AHR: variants seen among roughly 807,000 people sequenced by gnomAD.
AHR encodes AH-receptor.
In AHR, 40 loss-of-function variants were observed where a neutral mutation model predicts 86.8. That is an observed-to-expected ratio of 0.46 (90% CI 0.36 to 0.60). The LOEUF (loss-of-function observed/expected upper bound fraction) is 0.60, where lower values mean the gene tolerates loss of function less well. AHR is among the 20% of genes least tolerant of loss of function. The pLI, the probability that AHR is intolerant of heterozygous loss-of-function variation, is 0.00. For synonymous variants in AHR, 398 were observed against 354.9 expected, an observed-to-expected ratio of 1.12 and a Z score of -1.37; for missense variants, 1,001 against 1,011.6, an observed-to-expected ratio of 0.99 and a Z score of 0.14.
chr7:17,312,206 T>C (rs1782072359), intron 2 of AHR, among the ~76,000 whole-genome samples: 1 of 152,318 alleles, frequency 6.6e-6, no homozygotes, highest in East Asian at 1.9e-4. Flanking sequence ...GCAGATTCTG[T>C]GATGTGTAAG....
In AHR at chr7:17,339,894, A is replaced by C; in HGVS notation, c.2069A>C (p.Glu690Ala). 1 of 1,614,210 alleles carries C rather than the reference A, an allele frequency of 6.2e-7. No individual in the cohort carries two copies. Among genetic ancestry groups the C allele is most frequent in the African/African-American group, 1.3e-5 (1 of 75,054 alleles). The change falls in exon 10 of 11, where the codon GAA (glutamate) becomes GCA (alanine). Residue 690 changes from glutamate to alanine, a missense_variant. Glu to Ala is a moderately radical substitution (Grantham distance 107, BLOSUM62 -1). Around this residue, in one of 2 missense-constraint regions of AHR, gnomAD observed 607 missense variants for 543.1 expected, o/e 1.12. Transcript: ENST00000242057. ...AGTCAAGAGTTCCCCTACAAATCTGAAATGGATTCTATGCCTTATACACAG... is the reference window on the plus strand; with the variant it reads ...AGTCAAGAGTTCCCCTACAAATCTGCAATGGATTCTATGCCTTATACACAG... ...GISQEFPYKS[E>A]MDSMPYTQNF...
intron 3 of AHR, 39 bp downstream of exon 3, chr7:17,322,646 G>A (rs368890853): frequency 1.2e-5 from 15 of 1,255,222 alleles, no homozygotes; most frequent in African/African-American, 3.0e-5. Context: ...ACTAAGGACA[G>A]TTGTAAATGG....
At chr7:17,327,689 A>G in intron 3 of AHR, 70 bp from the exon 4 acceptor site, 1 of 819,796 alleles carries the variant, frequency 1.2e-6, no homozygotes, top group East Asian at 2.8e-5. Context: ...TCAGAGATAA[A>G]AGTAATAACC....
chr7:17,335,557 A>G (rs1016832901), intron 8 of AHR, 88 bp from the exon 9 acceptor site: 119 of 1,139,150 alleles, frequency 1.0e-4, no homozygotes, highest in Non-Finnish European at 1.4e-4. Flanking sequence ...ATACATCCAG[A>G]ACTATGTCAC....
chr7:17,302,441 A>T (rs540668424), intron 1 of AHR, among the ~76,000 whole-genome samples: 19 of 152,200 alleles, frequency 1.2e-4, no homozygotes, highest in Non-Finnish European at 2.5e-4. Flanking sequence ...CATAATACTC[A>T]TTAAATGTTT....
chr7:17,307,519 G>A (rs1222662129), intron 1 of AHR, among the ~76,000 whole-genome samples: 1 of 152,160 alleles, frequency 6.6e-6, no homozygotes, highest in African/African-American at 2.4e-5. Context: ...TGTTGTAACT[G>A]TAAGTAATTT....
At chr7:17,337,406 G>C (rs1782364787) in intron 9 of AHR, among the ~76,000 whole-genome samples, 1 of 151,246 alleles carries the variant, frequency 6.6e-6, no homozygotes, top group Non-Finnish European at 1.5e-5. Context: ...TATTTTATGT[G>C]CTTCTGTTAG....
intron 1 of AHR, among the ~76,000 whole-genome samples, chr7:17,304,522 T>C (rs1409431017): frequency 6.6e-6 from 1 of 152,108 alleles, no homozygotes; most frequent in Non-Finnish European, 1.5e-5. Flanking sequence ...CTTGTTTTGG[T>C]GTGGTTTTCT....
chr7:17,327,187 T>C (rs901155588), intron 3 of AHR, among the ~76,000 whole-genome samples: 4 of 152,048 alleles, frequency 2.6e-5, no homozygotes, highest in African/African-American at 9.7e-5. Flanking sequence ...CATAATGACA[T>C]TAAATTTTAG....
intron 3 of AHR, among the ~76,000 whole-genome samples, chr7:17,326,865 A>C (rs1019610082): frequency 6.6e-6 from 1 of 152,168 alleles, no homozygotes; most frequent in Non-Finnish European, 1.5e-5. Context: ...ATAGTAAAGA[A>C]TAGATCAAGT....
intron 2 of AHR, among the ~76,000 whole-genome samples, chr7:17,320,162 TGTAATACTTTA>T (rs1039374474): frequency 3.6e-4 from 55 of 152,230 alleles, no homozygotes; most frequent in African/African-American, 1.3e-3. Context: ...TTCAAGTTCC[TGTAATACTTTA>T]ATTAAACCCT....
In AHR at chr7:17,339,070, GGCAACCAAC is replaced by G. The variant is rs764425858; in HGVS notation, c.1246_1254del (p.Ala416_Asn418del). ...CCACTGGAGAAGCTGTGTTGTATGAGGCAACCAACCCTTTTCCTGCCATAATGGATCCCT... is the reference window on the plus strand; with the variant it reads ...CCACTGGAGAAGCTGTGTTGTATGAGCCTTTTCCTGCCATAATGGATCCCT... On this transcript the variant is annotated inframe_deletion, in exon 10 of 11. Transcript: ENST00000242057. 3 of 1,614,060 alleles carry G rather than the reference GGCAACCAAC, an allele frequency of 1.9e-6. No homozygotes were observed. Among genetic ancestry groups the G allele is most frequent in the Non-Finnish European group, 2.5e-6 (3 of 1,180,024 alleles).
At position 17,339,403 on chromosome 7, in the gene AHR, T is replaced by G; in HGVS notation, c.1578T>G (p.Gly526=). Residue 526 remains glycine (G), a synonymous_variant, in exon 10 of 11, where the codon GGT becomes GGG. Transcript: ENST00000242057. ...QPQDVNSFAG[G]HPGLFQDSKN... is the part of the protein sequence containing the mutation. ...AGGATGTGAACTCATTTGCTGGAGG[T>G]CACCCAGGGCTCTTTCAAGATAGTA... 6.2e-7 allele frequency: 1 copy of G among 1,614,066 alleles called. No homozygotes were observed. Among genetic ancestry groups the G allele is most frequent in the Non-Finnish European group, 8.5e-7 (1 of 1,180,016 alleles).
chr7:17,337,675 C>G (rs1424302368), intron 9 of AHR, among the ~76,000 whole-genome samples: 2 of 150,946 alleles, frequency 1.3e-5, no homozygotes, highest in African/African-American at 4.9e-5. Flanking sequence ...TGGGGTTTCA[C>G]CGTTTTAGCC....
intron 5 of AHR, among the ~76,000 whole-genome samples, chr7:17,330,523 A>C (rs756872856): frequency 6.6e-6 from 1 of 151,946 alleles, no homozygotes; most frequent in Non-Finnish European, 1.5e-5. Context: ...AGAAAATATG[A>C]AAATTGTTGA....
rs1782446233 is a variant in AHR at position 17,343,321 on chromosome 7, A to G, written c.*257A>G. 2.2e-6 allele frequency: 1 copy of G among 453,788 alleles called. No individual in the cohort carries two copies. The highest frequency in any genetic ancestry group is 3.1e-5 in the South Asian group (1 of 32,570). The allele number at this position is 453,788 out of a possible 1,614,324, so 28.1% of individuals were successfully genotyped here. A position where few individuals can be genotyped will look rare whatever the true frequency, so the allele number is the denominator to read the frequency against. ...TGGTGAGGTACCGTCTACATTTCAC[A>G]TTATTCTGGGCACCACAAAATATAC... On this transcript the variant is annotated 3_prime_UTR_variant, in exon 11 of 11. Coordinates refer to ENST00000242057, the MANE Select transcript of AHR (RefSeq NM_001621.5).
intron 2 of AHR, among the ~76,000 whole-genome samples, chr7:17,320,937 G>C (rs1445017785): frequency 1.3e-5 from 2 of 152,064 alleles, no homozygotes; most frequent in Non-Finnish European, 2.9e-5. Context: ...ATGAGATTCT[G>C]GTGTGACACA....
intron 2 of AHR, 56 bp from the exon 3 acceptor site, chr7:17,322,445 A>G (rs1362940472): frequency 3.5e-6 from 4 of 1,154,366 alleles, no homozygotes; most frequent in Non-Finnish European, 5.1e-6. Context: ...GTTTTCTATT[A>G]TAGCTCTTTA....
chr7:17,318,544 G>T (rs748869616), intron 2 of AHR, among the ~76,000 whole-genome samples: 5 of 152,106 alleles, frequency 3.3e-5, no homozygotes, highest in Non-Finnish European at 5.9e-5. Flanking sequence ...AATGTTCAGA[G>T]TCTGATTCTC....
Sources: gnomAD v4.1 joint callset for allele counts (sites outside exome capture counted in the v4.1 genomes callset) on GRCh38, gnomAD v4.1.1 for gene constraint, gnomAD v4.1.1 regional missense constraint, MANE v1.5 for transcripts, NCBI Gene and HGNC (gene_info 2026-07-23, HGNC 2026-07-21) for gene names.